The following NTM variants were observed in gnomAD, a reference collection of about 807,000 sequenced individuals.
The protein encoded by NTM is IgLON family member 2.
NTM carries 13 observed loss-of-function variants against 42.1 expected under a neutral mutation model. The ratio of observed to expected loss-of-function variants is 0.31; its 90% CI spans 0.20 to 0.49. NTM has a LOEUF of 0.49. Among genes scored for constraint, NTM ranks in the 20% least tolerant of loss-of-function variants. The probability of loss-of-function intolerance (pLI) is 0.99; values close to 1 mark genes in which losing one functional copy is unlikely to be tolerated. For synonymous variants in NTM, 187 were observed against 179.2 expected, an observed-to-expected ratio of 1.04 and a Z score of -0.35; for missense variants, 373 against 452.8, an observed-to-expected ratio of 0.82 and a Z score of 1.60.
chr11:132,022,539 G>A lies in NTM; in HGVS notation c.167+110891G>A, dbSNP rs754916990. Among the ~76,000 whole-genome samples the A allele has an allele frequency of 8.0e-4, 121 of 152,144 alleles. 4 individuals carry two copies. The highest frequency in any genetic ancestry group is 1.8e-4 in the Non-Finnish European group (12 of 68,034). On this transcript the variant is annotated intron_variant, in intron 2 of 8. Coordinates refer to ENST00000683400, the MANE Select transcript of NTM (RefSeq NM_001352005.2). Reference sequence around the variant, plus strand: ...CTACCCACTCTTTGCGAGTTCCCTTGTGCTCAACTAAGAGCCCTCTAACAC... The same window carrying A: ...CTACCCACTCTTTGCGAGTTCCCTTATGCTCAACTAAGAGCCCTCTAACAC...
At chr11:132,230,853 T>C (rs556844324) in intron 4 of NTM, among the ~76,000 whole-genome samples, 2 of 152,068 alleles carry the variant, frequency 1.3e-5, no homozygotes, top group Non-Finnish European at 2.9e-5. Context: ...GAGACCCCCA[T>C]CTCTACAAAA....
intron 8 of NTM, 75 bp from the exon 9 acceptor site, chr11:132,334,971 A>T: frequency 6.4e-7 from 1 of 1,572,020 alleles, no homozygotes; most frequent in Non-Finnish European, 8.6e-7. Context: ...GCCAAATGAC[A>T]GCAGACCAGG....
chr11:131,801,753 C>A (rs149186924), intron 1 of NTM, among the ~76,000 whole-genome samples: 1 of 152,058 alleles, frequency 6.6e-6, no homozygotes, highest in African/African-American at 2.4e-5. Flanking sequence ...AATGGTGGCA[C>A]GGGAACCAGG....
chr11:132,269,742 G>A (rs530080818), intron 4 of NTM, among the ~76,000 whole-genome samples: 1 of 152,190 alleles, frequency 6.6e-6, no homozygotes, highest in African/African-American at 2.4e-5. Context: ...ATTGTTGACT[G>A]GGGGCTCCTG....
intron 1 of NTM, among the ~76,000 whole-genome samples, chr11:131,714,473 G>A (rs2077485014): frequency 6.6e-6 from 1 of 152,114 alleles, no homozygotes; most frequent in African/African-American, 2.4e-5. Context: ...TTACAGATGT[G>A]AGCCACCACA....
chr11:132,153,170 C>A (rs538101393), intron 3 of NTM, among the ~76,000 whole-genome samples: 1 of 152,302 alleles, frequency 6.6e-6, no homozygotes, highest in African/African-American at 2.4e-5. Context: ...TGCTTCTGAG[C>A]GGCCTCAGAG....
At chr11:131,967,675 G>A (rs1327933565) in intron 2 of NTM, among the ~76,000 whole-genome samples, 1 of 152,202 alleles carries the variant, frequency 6.6e-6, no homozygotes, top group Non-Finnish European at 1.5e-5. Flanking sequence ...CATAATTTAA[G>A]CCTGAAACGA....
At chr11:132,103,428 C>T (rs937649938) in intron 2 of NTM, among the ~76,000 whole-genome samples, 32 of 152,208 alleles carry the variant, frequency 2.1e-4, no homozygotes, top group African/African-American at 7.7e-4. Flanking sequence ...AGCTTAGGAA[C>T]GTTGAGATTT....
intron 2 of NTM, among the ~76,000 whole-genome samples, chr11:132,041,019 C>T (rs2135775012): frequency 6.6e-6 from 1 of 152,250 alleles, no homozygotes; most frequent in Admixed American, 6.5e-5. Context: ...AGTAGATGTC[C>T]AGTAAATTTT....
intron 4 of NTM, among the ~76,000 whole-genome samples, chr11:132,223,440 C>T (rs1399232767): frequency 6.6e-6 from 1 of 152,166 alleles, no homozygotes; most frequent in Non-Finnish European, 1.5e-5. Flanking sequence ...ATTTGCATAG[C>T]TCGGCAGGAG....
At position 132,103,784 on chromosome 11, in the gene NTM, T is replaced by G. The variant is rs77781948; in HGVS notation, c.168-42498T>G. On this transcript the variant is annotated intron_variant, in intron 2 of 8. Transcript: ENST00000683400. ...TTAATTCTTCCGAGACTTAATTTCCTTACCTCTAAAGGTCTTCCCAGGCTG... is the reference window on the plus strand; with the variant it reads ...TTAATTCTTCCGAGACTTAATTTCCGTACCTCTAAAGGTCTTCCCAGGCTG... Among the ~76,000 whole-genome samples the G allele has an allele frequency of 6.5e-3, 993 of 152,298 alleles. 9 individuals are homozygous for G. The highest frequency in any genetic ancestry group is 0.021 in the African/African-American group (890 of 41,568).
rs1317302021 is a variant in NTM at position 131,878,593 on chromosome 11, AAATATATATATATATATATATATATAT to A, written c.83-32969_83-32943del. 8.4e-4 allele frequency among the ~76,000 whole-genome samples: 21 copies of A among 25,106 alleles called. 3 individuals carry two copies. The highest frequency in any genetic ancestry group is 4.5e-3 in the East Asian group (1 of 220). The allele number at this position is 25,106 out of a possible 152,430, so 16.5% of individuals were successfully genotyped here. On this transcript the variant is annotated intron_variant, in intron 1 of 8. Coordinates refer to ENST00000683400, the MANE Select transcript of NTM (RefSeq NM_001352005.2). Reference sequence around the variant, plus strand: ...TCAAAAAAAAAAAAAAAAAAAAAAAAAATATATATATATATATATATATATATATATATATATATATATATATAATGT... The same window carrying A: ...TCAAAAAAAAAAAAAAAAAAAAAAAAATATATATATATATATATATAATGT...
intron 1 of NTM, among the ~76,000 whole-genome samples, chr11:131,849,563 C>A (rs1003253261): frequency 1.2e-4 from 19 of 152,052 alleles, no homozygotes; most frequent in African/African-American, 4.4e-4. Flanking sequence ...CCACACACAC[C>A]CAACCAGGCC....
chr11:131,424,236 GAA>G lies in NTM; in HGVS notation c.82+53350_82+53351del, dbSNP rs1159081745. Among the ~76,000 whole-genome samples the G allele has an allele frequency of 3.3e-5, 5 of 152,132 alleles. 1 individual carries two copies. The highest frequency in any genetic ancestry group is 3.3e-4 in the Admixed American group (5 of 15,274). On this transcript the variant is annotated intron_variant, in intron 1 of 8. Transcript: ENST00000683400. ...TTTTAGGGAAAGAAAGGAAAAAAAA[GAA>G]AGAAAATAGCAGATGGGAAATCAAT...
At chr11:131,919,970 AT>A (rs1359373849) in intron 2 of NTM, among the ~76,000 whole-genome samples, 5 of 152,074 alleles carry the variant, frequency 3.3e-5, no homozygotes, top group Admixed American at 1.3e-4. Flanking sequence ...GTTTCAAATC[AT>A]TTCTTGAGAT....
intron 1 of NTM, among the ~76,000 whole-genome samples, chr11:131,675,206 G>A (rs574197067): frequency 2.6e-5 from 4 of 152,188 alleles, no homozygotes; most frequent in South Asian, 2.1e-4. Context: ...CAGCAATTTC[G>A]GGCAGCTACA....
At chr11:132,143,970 A>T (rs2069744294) in intron 2 of NTM, among the ~76,000 whole-genome samples, 1 of 127,752 alleles carries the variant, frequency 7.8e-6, no homozygotes, top group Non-Finnish European at 1.8e-5. Flanking sequence ...TCAAAGCCAC[A>T]AGAAAGGCTT....
chr11:131,524,326 G>A (rs993802269), intron 1 of NTM, among the ~76,000 whole-genome samples: 10 of 152,220 alleles, frequency 6.6e-5, no homozygotes, highest in African/African-American at 9.6e-5. Context: ...TCCAAGAGAC[G>A]AAGGTGGGGG....
At chr11:131,680,481 A>ATGTGTG (rs879576059) in intron 1 of NTM, among the ~76,000 whole-genome samples, 2 of 34,840 alleles carry the variant, frequency 5.7e-5, no homozygotes, top group East Asian at 9.5e-4. Flanking sequence ...GTGTGTGTGC[A>ATGTGTG]CGTCTGTGTA....
Sources: gnomAD v4.1 joint callset for allele counts (sites outside exome capture counted in the v4.1 genomes callset) on GRCh38, gnomAD v4.1.1 for gene constraint, MANE v1.5 for transcripts, NCBI Gene and HGNC (gene_info 2026-07-23, HGNC 2026-07-21) for gene names.